The following FAT3 variants were observed in gnomAD, a reference collection of about 807,000 sequenced individuals.
FAT3 encodes protocadherin Fat 3.
FAT3 carries 95 observed loss-of-function variants against 310.2 expected under a neutral mutation model. The observed-to-expected ratio is 0.31, with a 90% CI of 0.26 to 0.36. The LOEUF is 0.36. FAT3 is among the 10% of genes least tolerant of loss of function. The pLI, the probability that FAT3 is intolerant of heterozygous loss-of-function variation, is 1.00. For missense variants in FAT3, 5,408 were observed against 5,715.6 expected, an observed-to-expected ratio of 0.95 and a Z score of 1.74; for synonymous variants, 2,314 against 2,192.9, an observed-to-expected ratio of 1.06 and a Z score of -1.54.
chr11:92,844,079 G>A lies in FAT3; in HGVS notation c.10712G>A (p.Gly3571Glu). The A allele has an allele frequency of 6.2e-7, 1 of 1,613,950 alleles. No homozygotes were observed. Among genetic ancestry groups the A allele is most frequent in the Non-Finnish European group, 8.5e-7 (1 of 1,179,882 alleles). Residue 3571 changes from glycine (G) to glutamate (E), a missense_variant, in exon 19 of 28, where the codon GGG (glycine) becomes GAG (glutamate). By Grantham distance (98) the Gly-to-Glu change is moderately conservative (BLOSUM62 -2). Around this residue, in one of 5 missense-constraint regions of FAT3, gnomAD observed 4,588 missense variants for 4,809.8 expected, o/e 0.95. Transcript: ENST00000525166. Reference sequence around the variant, plus strand: ...GATGACTTTCCTGGTGGGGTCATTGGGAAGATTCATGCCACAGATCAAGAC... The same window carrying A: ...GATGACTTTCCTGGTGGGGTCATTGAGAAGATTCATGCCACAGATCAAGAC... ...MEDDFPGGVI[G>E]KIHATDQDMY...
intron 4 of FAT3, among the ~76,000 whole-genome samples, chr11:92,757,367 T>G (rs1351940154): frequency 6.6e-6 from 1 of 152,208 alleles, no homozygotes; most frequent in African/African-American, 2.4e-5. Context: ...TCTGTTCTTT[T>G]GTGAGGCTGT....
intron 3 of FAT3, among the ~76,000 whole-genome samples, chr11:92,674,583 C>T (rs981594308): frequency 4.6e-5 from 7 of 151,926 alleles, no homozygotes; most frequent in Non-Finnish European, 1.0e-4. Flanking sequence ...AGTGCAGTGG[C>T]GTGACCAGAG....
At chr11:92,347,071 T>C (rs1948440804) in intron 1 of FAT3, among the ~76,000 whole-genome samples, 3 of 152,220 alleles carry the variant, frequency 2.0e-5, no homozygotes, top group South Asian at 4.1e-4. Context: ...TCTCATTTTA[T>C]AGAAGAATAA....
chr11:92,534,634 G>A (rs964585007), intron 3 of FAT3, among the ~76,000 whole-genome samples: 3 of 152,130 alleles, frequency 2.0e-5, no homozygotes, highest in African/African-American at 4.8e-5. Flanking sequence ...TATTGGATGT[G>A]TGTGGGCCCT....
chr11:92,845,284 G>A (rs2136294105), intron 19 of FAT3, among the ~76,000 whole-genome samples: 1 of 152,370 alleles, frequency 6.6e-6, no homozygotes, highest in Admixed American at 6.5e-5. Flanking sequence ...AGAGCCATTG[G>A]CTGATGAGAA....
At chr11:92,630,324 A>G (rs1324650615) in intron 3 of FAT3, among the ~76,000 whole-genome samples, 1 of 152,152 alleles carries the variant, frequency 6.6e-6, no homozygotes, top group Non-Finnish European at 1.5e-5. Context: ...CCAGGATACC[A>G]TGCTCGGCCC....
At chr11:92,633,487 C>A (rs1941636864) in intron 3 of FAT3, among the ~76,000 whole-genome samples, 1 of 152,172 alleles carries the variant, frequency 6.6e-6, no homozygotes, top group Non-Finnish European at 1.5e-5. Flanking sequence ...TGGGGGTCAG[C>A]ATAATCTAGT....
rs755827845 is a variant in FAT3 at position 92,883,059 on chromosome 11, T to A, written c.12603T>A (p.Leu4201=). Reference sequence around the variant, plus strand: ...AGGACCCGGCCACCGCCGCCCTGCTTAACAAGAGCAATGGCATCCCGTTCC... The same window carrying A: ...AGGACCCGGCCACCGCCGCCCTGCTAAACAAGAGCAATGGCATCCCGTTCC... The part of the protein sequence containing the change: ...LVQDPATAAL[L]NKSNGIPFRN... Residue 4201 remains leucine (L), a synonymous_variant, in exon 24 of 28, where the codon CTT becomes CTA. Transcript: ENST00000525166. The surrounding 1 kb of genome is among the most constrained non-coding windows in gnomAD (Gnocchi z 4.2). 1.2e-6 allele frequency: 2 copies of A among 1,613,940 alleles called. No individual in the cohort carries two copies. The highest frequency in any genetic ancestry group is 1.7e-5 in the Admixed American group (1 of 60,032).
intron 4 of FAT3, among the ~76,000 whole-genome samples, chr11:92,748,283 C>T (rs1945732658): frequency 6.6e-6 from 1 of 152,124 alleles, no homozygotes; most frequent in Admixed American, 6.6e-5. Flanking sequence ...AAGACTTACT[C>T]ACTACCAGGA....
At chr11:92,303,942 G>A (rs927064646) in intron 1 of FAT3, among the ~76,000 whole-genome samples, 3 of 152,048 alleles carry the variant, frequency 2.0e-5, no homozygotes, top group African/African-American at 7.2e-5. Flanking sequence ...CAATTGTGTG[G>A]TTACAAAAAG....
chr11:92,481,118 G>GT (rs1193788152), intron 2 of FAT3, among the ~76,000 whole-genome samples: 1 of 152,168 alleles, frequency 6.6e-6, no homozygotes, highest in Non-Finnish European at 1.5e-5. Context: ...TGTTAATTCA[G>GT]TATTTGTCCA....
chr11:92,866,497 A>G (rs1156269466), intron 21 of FAT3, among the ~76,000 whole-genome samples: 1 of 152,212 alleles, frequency 6.6e-6, no homozygotes, highest in African/African-American at 2.4e-5. Context: ...AATTGTGGAT[A>G]TATGAAGGTG....
intron 3 of FAT3, among the ~76,000 whole-genome samples, chr11:92,563,740 C>T (rs1231299132): frequency 1.3e-5 from 2 of 152,084 alleles, no homozygotes; most frequent in African/African-American, 4.8e-5. Flanking sequence ...ATTCAACATT[C>T]TTAAGGAAAA....
intron 2 of FAT3, among the ~76,000 whole-genome samples, chr11:92,369,630 A>G (rs1158488154): frequency 2.6e-5 from 4 of 152,154 alleles, no homozygotes; most frequent in Non-Finnish European, 5.9e-5. Context: ...CAGGCAGATC[A>G]TGAGGTCAAG....
intron 2 of FAT3, among the ~76,000 whole-genome samples, chr11:92,490,929 C>T (rs1373248830): frequency 6.6e-6 from 1 of 151,934 alleles, no homozygotes; most frequent in Non-Finnish European, 1.5e-5. Flanking sequence ...GATCAAGGTC[C>T]AAGGTCATAA....
chr11:92,307,940 T>C (rs1947182682), intron 1 of FAT3, among the ~76,000 whole-genome samples: 2 of 152,220 alleles, frequency 1.3e-5, no homozygotes, highest in Admixed American at 1.3e-4. Context: ...CTTATTCTTA[T>C]GGAAATTTGA....
At chr11:92,368,883 C>CAT (rs1398251746) in intron 2 of FAT3, among the ~76,000 whole-genome samples, 1 of 131,344 alleles carries the variant, frequency 7.6e-6, no homozygotes, top group South Asian at 2.2e-4. Context: ...CACATATACA[C>CAT]ATATATATAC....
intron 3 of FAT3, among the ~76,000 whole-genome samples, chr11:92,622,804 TA>T (rs1169001699): frequency 6.6e-6 from 1 of 152,188 alleles, no homozygotes; most frequent in Non-Finnish European, 1.5e-5. Flanking sequence ...AAAAAGAATT[TA>T]AATCTTCTGC....
chr11:92,385,848 CAAAAG>C (rs1949607136), intron 2 of FAT3, among the ~76,000 whole-genome samples: 1 of 152,120 alleles, frequency 6.6e-6, no homozygotes, highest in South Asian at 2.1e-4. Flanking sequence ...ATGCAAAACA[CAAAAG>C]AAAATAAAAT....
Sources: allele counts gnomAD v4.1 joint callset (sites outside exome capture counted in the v4.1 genomes callset), GRCh38; gene constraint gnomAD v4.1.1; regional missense constraint gnomAD v4.1.1; non-coding constraint Gnocchi (gnomAD v3.1); transcripts MANE v1.5; gene names NCBI Gene and HGNC (gene_info 2026-07-23, HGNC 2026-07-21).